The following MTUS2 variants were observed in gnomAD, a reference collection of about 807,000 sequenced individuals.
The protein encoded by MTUS2 is microtubule-associated tumor suppressor candidate 2.
In MTUS2, 40 loss-of-function variants were observed where a neutral mutation model predicts 114.1. The ratio of observed to expected loss-of-function variants is 0.35; its 90% CI spans 0.27 to 0.46. The LOEUF (loss-of-function observed/expected upper bound fraction) is 0.46, where lower values mean the gene tolerates loss of function less well. Among genes scored for constraint, MTUS2 ranks in the 20% least tolerant of loss-of-function variants. The pLI is 1.00. For missense variants in MTUS2, 1,679 were observed against 1,705.4 expected, an observed-to-expected ratio of 0.98 and a Z score of 0.27; for synonymous variants, 688 against 672.0, an observed-to-expected ratio of 1.02 and a Z score of -0.37.
At chr13:29,136,217 T>G (rs1040063262) in intron 5 of MTUS2, among the ~76,000 whole-genome samples, 6 of 152,212 alleles carry the variant, frequency 3.9e-5, no homozygotes. Context: ...ACAAACTCCC[T>G]CAACTTTTAT....
intron 9 of MTUS2, among the ~76,000 whole-genome samples, chr13:29,463,492 T>C (rs1879660640): frequency 6.6e-6 from 1 of 152,206 alleles, no homozygotes; most frequent in East Asian, 1.9e-4. Flanking sequence ...GCTTTGTGCC[T>C]GTTGACTTCA....
At chr13:28,891,645 C>T (rs1309138944) in intron 2 of MTUS2, among the ~76,000 whole-genome samples, 5 of 151,758 alleles carry the variant, frequency 3.3e-5, no homozygotes, top group Non-Finnish European at 2.9e-5. Flanking sequence ...TTTGGGAGGC[C>T]GAGGTGGGCG....
At chr13:28,903,171 G>C (rs1278068172) in intron 2 of MTUS2, among the ~76,000 whole-genome samples, 2 of 152,134 alleles carry the variant, frequency 1.3e-5, no homozygotes, top group Non-Finnish European at 2.9e-5. Flanking sequence ...TTCTTCATGT[G>C]AGAGTGTCTT....
At chr13:28,981,513 A>G (rs1188186144) in intron 2 of MTUS2, among the ~76,000 whole-genome samples, 1 of 152,236 alleles carries the variant, frequency 6.6e-6, no homozygotes, top group Non-Finnish European at 1.5e-5. Context: ...TTCAGAACTC[A>G]TAGAAGTATA....
chr13:29,111,411 G>A (rs1010522555), intron 5 of MTUS2, among the ~76,000 whole-genome samples: 24 of 152,128 alleles, frequency 1.6e-4, no homozygotes, highest in East Asian at 5.8e-4. Flanking sequence ...CTCTAATGCC[G>A]AGCATCTTGG....
chr13:29,016,092 A>G (rs1049465674), intron 2 of MTUS2, among the ~76,000 whole-genome samples: 7 of 152,134 alleles, frequency 4.6e-5, no homozygotes, highest in African/African-American at 1.7e-4. Flanking sequence ...TTTAGTAGAG[A>G]CGGGGTTTCA....
chr13:29,114,134 C>A (rs1890989571), intron 5 of MTUS2, among the ~76,000 whole-genome samples: 1 of 152,036 alleles, frequency 6.6e-6, no homozygotes, highest in Admixed American at 6.6e-5. Context: ...GTACAGCTTG[C>A]AGAAACATGA....
chr13:29,112,531 A>G (rs1022449369), intron 5 of MTUS2, among the ~76,000 whole-genome samples: 1 of 152,174 alleles, frequency 6.6e-6, no homozygotes, highest in Non-Finnish European at 1.5e-5. Context: ...AGTGTCTACT[A>G]CTGTTGAGAA....
At chr13:28,856,042 G>A (rs372423223) in intron 2 of MTUS2, among the ~76,000 whole-genome samples, 3 of 152,084 alleles carry the variant, frequency 2.0e-5, no homozygotes, top group African/African-American at 4.8e-5. Flanking sequence ...GTTTTATACC[G>A]CACATCTATG....
intron 6 of MTUS2, among the ~76,000 whole-genome samples, chr13:29,296,010 T>A (rs1264422693): frequency 6.6e-6 from 1 of 152,136 alleles, no homozygotes; most frequent in Admixed American, 6.5e-5. Context: ...CCAAACCATA[T>A]CATTACCACA....
intron 2 of MTUS2, among the ~76,000 whole-genome samples, chr13:28,871,539 C>A (rs986203524): frequency 6.6e-6 from 1 of 152,124 alleles, no homozygotes; most frequent in African/African-American, 2.4e-5. Context: ...ATTCATTTAC[C>A]CCATAAATGT....
intron 1 of MTUS2, among the ~76,000 whole-genome samples, chr13:28,828,964 T>TA (rs1332567135): frequency 3.3e-5 from 5 of 152,226 alleles, no homozygotes; most frequent in Non-Finnish European, 7.3e-5. Flanking sequence ...AATATTGCAT[T>TA]AATATATTAT....
chr13:28,892,510 C>T (rs763891084), intron 2 of MTUS2, among the ~76,000 whole-genome samples: 4 of 152,132 alleles, frequency 2.6e-5, no homozygotes, highest in Admixed American at 6.5e-5. Flanking sequence ...CAAGACATAC[C>T]TAATATTTAC....
intron 7 of MTUS2, among the ~76,000 whole-genome samples, chr13:29,332,994 C>T (rs1032348013): frequency 2.0e-5 from 3 of 152,078 alleles, no homozygotes; most frequent in Non-Finnish European, 4.4e-5. Context: ...CCCGCTTTCT[C>T]CTGTGGGCAT....
rs1895352219 is a variant in MTUS2 at position 29,209,864 on chromosome 13, C to A, written c.2645-71840C>A. Among the ~76,000 whole-genome samples, 3 of 152,182 alleles carry A rather than the reference C, an allele frequency of 2.0e-5. No homozygotes were observed. In the South Asian group the frequency reaches 6.2e-4, roughly 32 times the overall value. The stretch of plus-strand genomic sequence containing the variant: ...CTTTTTCCTCACAGCTTTTAAGATT[C>A]TTTCCTTGTCTTCACTTTAGATAAC... On this transcript the variant is annotated intron_variant, in intron 5 of 15. Coordinates refer to ENST00000612955, the MANE Select transcript of MTUS2 (RefSeq NM_001033602.4).
In MTUS2 at chr13:29,498,436, C is replaced by T; in HGVS notation, c.3697C>T (p.Gln1233Ter). 6.2e-7 allele frequency: 1 copy of T among 1,614,098 alleles called. No homozygotes were observed. The highest frequency in any genetic ancestry group is 1.6e-4 in the Middle Eastern group (1 of 6,062). ...TCTGTAGATTGCATTGGCTCCTTAT[C>T]AGCACTTGGAAGAAGACATGAAGAG... ...EQLEIALAPY[Q>*]HLEEDMKSLK... The change falls in exon 14 of 16, where the codon CAG (glutamine) becomes TAG (stop). Residue 1233 changes from glutamine to a stop codon, truncating the protein, a stop_gained. Coordinates refer to ENST00000612955, the MANE Select transcript of MTUS2 (RefSeq NM_001033602.4). LOFTEE classifies it high-confidence loss of function.
intron 6 of MTUS2, chr13:29,306,674 G>T: frequency 4.1e-6 from 1 of 246,138 alleles, no homozygotes; most frequent in Non-Finnish European, 8.3e-6. Context: ...CCAGGCTCAT[G>T]GATAGAAAGA....
chr13:28,852,497 C>T (rs1346978436), intron 2 of MTUS2, among the ~76,000 whole-genome samples: 4 of 152,116 alleles, frequency 2.6e-5, no homozygotes, highest in African/African-American at 7.2e-5. Context: ...GGCTAATGGT[C>T]TTCCAGGACT....
At chr13:29,065,450 A>G (rs938793952) in intron 4 of MTUS2, among the ~76,000 whole-genome samples, 3 of 151,726 alleles carry the variant, frequency 2.0e-5, no homozygotes, top group African/African-American at 4.8e-5. Flanking sequence ...GTCTGTTCAT[A>G]TCGTTTGCAT....
Sources: allele counts gnomAD v4.1 joint callset (sites outside exome capture counted in the v4.1 genomes callset), GRCh38; gene constraint gnomAD v4.1.1; transcripts MANE v1.5; gene names NCBI Gene and HGNC (gene_info 2026-07-23, HGNC 2026-07-21).